MALT1: variants seen among roughly 807,000 people sequenced by gnomAD.
The protein encoded by MALT1 is MALT1 paracaspase.
Under a neutral mutation model 85.5 loss-of-function variants are expected in MALT1, and 36 were observed. The observed-to-expected ratio is 0.42, with a 90% CI of 0.32 to 0.56. The LOEUF is 0.56. Ranked by LOEUF, MALT1 falls within the 20% of genes least tolerant of loss-of-function variation. The pLI, the probability that MALT1 is intolerant of heterozygous loss-of-function variation, is 0.10. For missense variants in MALT1, 716 were observed against 981.6 expected, an observed-to-expected ratio of 0.73 and a Z score of 3.62; for synonymous variants, 359 against 361.3, an observed-to-expected ratio of 0.99 and a Z score of 0.07.
chr18:58,727,960 AC>A (rs2055088126), intron 10 of MALT1, among the ~76,000 whole-genome samples: 1 of 151,850 alleles, frequency 6.6e-6, no homozygotes, highest in African/African-American at 2.4e-5. Context: ...CTTTCTTGGA[AC>A]CGTGCCTGGC....
rs768392247 is a variant in MALT1, at chr18:58,742,003, C to T, written c.1742C>T (p.Ala581Val). ...AESLVRNLQW[A>V]KAHELPESMC... ...TCTCTTGTGCGGAATCTACAGTGGG[C>T]CAAGGCTCATGGTACGGTAAAGCCC... is the stretch of plus-strand genomic sequence containing the variant. The change falls in exon 14 of 17, where the codon GCC becomes GTC. Residue 581 changes from alanine (A) to valine (V), a missense_variant. Ala to Val is a moderately conservative substitution (Grantham distance 64). This residue lies in a region of MALT1 where 260 missense variants were observed against 323.7 expected (regional missense o/e 0.80). Coordinates refer to ENST00000649217, the MANE Select transcript of MALT1 (RefSeq NM_006785.4). The T allele has an allele frequency of 2.6e-6, 4 of 1,527,956 alleles. No individual in the cohort carries two copies. The highest frequency in any genetic ancestry group is 3.4e-5 in the Admixed American group (2 of 59,036). 94.6% of individuals were successfully genotyped at this position (1,527,956 alleles called of 1,614,324 possible).
chr18:58,714,140 T>G (rs779561714), intron 8 of MALT1, 31 bp downstream of exon 8: 1 of 1,175,806 alleles, frequency 8.5e-7, no homozygotes, highest in Admixed American at 2.1e-5. Flanking sequence ...ACTTTAGTTT[T>G]AGATTTTTAA....
chr18:58,714,488 C>T (rs1263143395), intron 8 of MALT1, among the ~76,000 whole-genome samples: 1 of 152,090 alleles, frequency 6.6e-6, no homozygotes, highest in Non-Finnish European at 1.5e-5. Flanking sequence ...TGATCAGACC[C>T]CTGGGACCTT....
intron 3 of MALT1, 111 bp downstream of exon 3, chr18:58,696,598 A>G (rs1382060563): frequency 2.4e-6 from 2 of 839,596 alleles, no homozygotes; most frequent in Admixed American, 6.0e-5. Flanking sequence ...AGAGTCTGAT[A>G]GACATTGCTA....
intron 9 of MALT1, 146 bp from the exon 10 acceptor site, chr18:58,722,902 T>C: frequency 1.6e-6 from 1 of 616,108 alleles, no homozygotes; most frequent in East Asian, 2.8e-5. Flanking sequence ...ACATAAATAG[T>C]TCTAAAATGA....
At chr18:58,716,720 A>G (rs1223130131) in intron 9 of MALT1, among the ~76,000 whole-genome samples, 1 of 152,230 alleles carries the variant, frequency 6.6e-6, no homozygotes, top group East Asian at 1.9e-4. Flanking sequence ...GTTGGAAAGA[A>G]AGAGTGGTTT....
chr18:58,719,517 A>C (rs979646013), intron 9 of MALT1, among the ~76,000 whole-genome samples: 2 of 152,094 alleles, frequency 1.3e-5, no homozygotes, highest in African/African-American at 4.8e-5. Flanking sequence ...TGGATCTCCA[A>C]AGTGGAAACT....
At chr18:58,727,616 G>GGTTTTTTTTTTTTTTTTTTTT (rs1555688173) in intron 10 of MALT1, among the ~76,000 whole-genome samples, 1 of 121,264 alleles carries the variant, frequency 8.2e-6, no homozygotes, top group African/African-American at 3.3e-5. Context: ...GGTTTTTTGT[G>GGTTTTTTTTTTTTTTTTTTTT]TTTTTTTTTT....
At chr18:58,698,041 TG>T (rs55873910) in intron 3 of MALT1, among the ~76,000 whole-genome samples, 119,849 of 147,670 alleles carry the variant, frequency 0.81, 49,147 homozygotes, top group East Asian at 0.99. Context: ...TGGGGTTTTT[TG>T]TTGTTGTTGT....
At chr18:58,700,620 G>A (rs761423149) in intron 4 of MALT1, 29 bp downstream of exon 4, 61 of 1,557,106 alleles carry the variant, frequency 3.9e-5, no homozygotes, top group Non-Finnish European at 5.0e-5. Flanking sequence ...TGAATGTTGG[G>A]ATGGGGATTC....
chr18:58,745,650 A>ATT lies in MALT1; in HGVS notation c.1912-6_1912-5dup, dbSNP rs199915155. Reference sequence around the variant, plus strand: ...TTGATTTCATTATTAACAGTCCCTAATTTTTTTTTTTACAGGATCTAGATA... The same window carrying ATT: ...TTGATTTCATTATTAACAGTCCCTAATTTTTTTTTTTTTACAGGATCTAGATA... On this transcript the variant is annotated splice_polypyrimidine_tract_variant and intron_variant, in intron 15 of 16. Coordinates refer to ENST00000649217, the MANE Select transcript of MALT1 (RefSeq NM_006785.4). 1.2e-4 allele frequency: 152 copies of ATT among 1,231,266 alleles called. No homozygotes were observed. The East Asian group carries it at 1.8e-3, about 15-fold the overall frequency. 76.3% of individuals were successfully genotyped at this position (1,231,266 alleles called of 1,614,324 possible). A position where few individuals can be genotyped will look rare whatever the true frequency, so the allele number is the denominator to read the frequency against.
At chr18:58,691,684 T>G (rs2054501888) in intron 2 of MALT1, 1 of 155,314 alleles carries the variant, frequency 6.4e-6, no homozygotes, top group Non-Finnish European at 1.4e-5. Flanking sequence ...CTGGCTAACG[T>G]GGTGAAACCC....
chr18:58,690,933 G>C (rs977819235), intron 2 of MALT1: 1 of 250,464 alleles, frequency 4.0e-6, no homozygotes, highest in Non-Finnish European at 8.1e-6. Flanking sequence ...GAGGCCTGCT[G>C]TCTGGTCATT....
chr18:58,732,241 A>G (rs2144455845), intron 10 of MALT1, among the ~76,000 whole-genome samples: 1 of 152,230 alleles, frequency 6.6e-6, no homozygotes, highest in Non-Finnish European at 1.5e-5. Flanking sequence ...AGAGGGGAGG[A>G]TATCTTCAAA....
At chr18:58,695,932 A>G (rs2054580229) in intron 2 of MALT1, among the ~76,000 whole-genome samples, 1 of 152,238 alleles carries the variant, frequency 6.6e-6, no homozygotes, top group African/African-American at 2.4e-5. Context: ...CAGTGCACGT[A>G]ACTTGACTGA....
At chr18:58,726,788 A>T (rs1268958757) in intron 10 of MALT1, among the ~76,000 whole-genome samples, 1 of 152,258 alleles carries the variant, frequency 6.6e-6, no homozygotes, top group Non-Finnish European at 1.5e-5. Flanking sequence ...TTCTGTGTTC[A>T]TCGCTTGCTG....
chr18:58,678,873 G>A (rs190980570), intron 1 of MALT1, among the ~76,000 whole-genome samples: 2 of 152,328 alleles, frequency 1.3e-5, no homozygotes, highest in East Asian at 3.9e-4. Flanking sequence ...TGGTCTAGGA[G>A]GACCTTGTAG....
At position 58,735,219 on chromosome 18, in the gene MALT1, C is replaced by T. The variant is rs1272912668; in HGVS notation, c.1493C>T (p.Ala498Val). ...FGYATCQGAE[A>V]FEIQHSGLAN... is the part of the protein sequence containing the mutation. ...TTTTTAAGGTGTCAAGGAGCAGAAGCTTTTGAAATCCAGCATTCTGGATTG... is the reference window on the plus strand; with the variant it reads ...TTTTTAAGGTGTCAAGGAGCAGAAGTTTTTGAAATCCAGCATTCTGGATTG... Residue 498 changes from alanine (A) to valine (V), a missense_variant, in exon 13 of 17, where the codon GCT (alanine) becomes GTT (valine). Coordinates refer to ENST00000649217, the MANE Select transcript of MALT1 (RefSeq NM_006785.4). The T allele has an allele frequency of 1.2e-6, 2 of 1,607,238 alleles. No homozygotes were observed. Among genetic ancestry groups the T allele is most frequent in the Non-Finnish European group, 1.7e-6 (2 of 1,178,840 alleles).
intron 13 of MALT1, among the ~76,000 whole-genome samples, chr18:58,737,927 G>A (rs530608869): frequency 1.1e-4 from 16 of 152,270 alleles, no homozygotes; most frequent in Non-Finnish European, 2.2e-4. Flanking sequence ...AAAATATGAG[G>A]TAAATTGGTT....
Sources: allele counts gnomAD v4.1 joint callset (sites outside exome capture counted in the v4.1 genomes callset), GRCh38; gene constraint gnomAD v4.1.1; regional missense constraint gnomAD v4.1.1; transcripts MANE v1.5; gene names NCBI Gene and HGNC (gene_info 2026-07-23, HGNC 2026-07-21).